The following FAM24B variants were observed in gnomAD, a reference collection of about 807,000 sequenced individuals.
FAM24B encodes the protein family with sequence similarity 24 member B.
A neutral mutation model predicts 2.3 loss-of-function variants in FAM24B; 3 were observed. The ratio of observed to expected loss-of-function variants is 1.29; its 90% CI spans 0.59 to 3.32. The LOEUF (loss-of-function observed/expected upper bound fraction) is 3.32, where lower values mean the gene tolerates loss of function less well. Ranked by LOEUF, FAM24B falls within the 30% of genes most tolerant of loss-of-function variation. FAM24B has a pLI of 0.03. For synonymous variants in FAM24B, 36 were observed against 46.3 expected (o/e 0.78, Z 0.90); for missense variants, 98 against 117.2 (o/e 0.84, Z 0.76).
chr10:122,871,574 G>T (rs923262406), intron 1 of FAM24B, among the ~76,000 whole-genome samples: 2 of 152,000 alleles, frequency 1.3e-5, no homozygotes, highest in Admixed American at 1.3e-4. Flanking sequence ...GCATGGTACT[G>T]GTACCAAAAC....
At chr10:122,857,368 G>A (rs1046441331) in intron 1 of FAM24B, among the ~76,000 whole-genome samples, 3 of 152,136 alleles carry the variant, frequency 2.0e-5, no homozygotes, top group African/African-American at 7.2e-5. Flanking sequence ...CTACCATGAG[G>A]TTACTATGTT....
At chr10:122,860,331 A>G (rs1847707898) in intron 1 of FAM24B, among the ~76,000 whole-genome samples, 1 of 152,180 alleles carries the variant, frequency 6.6e-6, no homozygotes, top group South Asian at 2.1e-4. Flanking sequence ...ACTTAAGAAA[A>G]TGCATTTAAT....
chr10:122,860,769 T>C (rs1229186390), intron 1 of FAM24B, among the ~76,000 whole-genome samples: 1 of 152,264 alleles, frequency 6.6e-6, no homozygotes, highest in Non-Finnish European at 1.5e-5. Flanking sequence ...TTATTACTAA[T>C]AATTTTGAGC....
At chr10:122,856,085 T>C (rs1455413408) in intron 1 of FAM24B, among the ~76,000 whole-genome samples, 1 of 152,266 alleles carries the variant, frequency 6.6e-6, no homozygotes, top group Non-Finnish European at 1.5e-5. Flanking sequence ...CCTGCTGTTC[T>C]TGACCTGAAC....
At chr10:122,862,381 G>T (rs1258734268) in intron 1 of FAM24B, among the ~76,000 whole-genome samples, 2 of 151,986 alleles carry the variant, frequency 1.3e-5, no homozygotes, top group Non-Finnish European at 2.9e-5. Flanking sequence ...ACATTCCCTA[G>T]AATAAGACTC....
intron 1 of FAM24B, among the ~76,000 whole-genome samples, chr10:122,871,853 A>T (rs1489347616): frequency 1.3e-5 from 2 of 152,178 alleles, no homozygotes; most frequent in Non-Finnish European, 2.9e-5. Flanking sequence ...AACCTAGGCA[A>T]TACCATTCAG....
At chr10:122,850,246 G>A (rs1847505343) in intron 3 of FAM24B, among the ~76,000 whole-genome samples, 178 bp downstream of exon 3, 1 of 152,152 alleles carries the variant, frequency 6.6e-6, no homozygotes, top group Non-Finnish European at 1.5e-5. Flanking sequence ...TCTACACTCA[G>A]CTGTCTTTGC....
chr10:122,849,243 T>A lies in FAM24B; in HGVS notation c.*4A>T. On this transcript the variant is annotated 3_prime_UTR_variant, in exon 4 of 4. Transcript: ENST00000368898. ...TGAAGATTTTTGTGCCCACCTTTCC[T>A]AACTCAGAGGCCCTCATTTATGTCG... 1 of 1,544,666 alleles carries A rather than the reference T, an allele frequency of 6.5e-7. No individual in the cohort carries two copies. Among genetic ancestry groups the A allele is most frequent in the African/African-American group, 1.4e-5 (1 of 72,756 alleles).
chr10:122,864,817 T>G (rs965615401), intron 1 of FAM24B, among the ~76,000 whole-genome samples: 1 of 152,240 alleles, frequency 6.6e-6, no homozygotes, highest in Non-Finnish European at 1.5e-5. Context: ...TGGAACCATA[T>G]AGTATGTAGC....
rs1589666505 is a variant in FAM24B, at chr10:122,849,279, G to A, written c.253C>T (p.Pro85Ser). The A allele has an allele frequency of 6.3e-7, 1 of 1,583,590 alleles. No homozygotes were observed. Among genetic ancestry groups the A allele is most frequent in the Non-Finnish European group, 8.6e-7 (1 of 1,162,854 alleles). ...RMCASFDSLPPCCCDINEGL is the reference protein window; with the variant it reads ...RMCASFDSLPSCCCDINEGL ...CCCTCATTTATGTCGCAACAGCAAG[G>A]TGGCAGGGAATCAAAACTGGCACAC... The change falls in exon 4 of 4, where the codon CCT becomes TCT. Residue 85 changes from proline to serine, a missense_variant. Physicochemically the swap from Pro to Ser is moderately conservative, Grantham distance 74. Coordinates refer to ENST00000368898, the MANE Select transcript of FAM24B (RefSeq NM_152644.3).
At chr10:122,864,164 C>T (rs956129853) in intron 1 of FAM24B, among the ~76,000 whole-genome samples, 1 of 152,166 alleles carries the variant, frequency 6.6e-6, no homozygotes, top group African/African-American at 2.4e-5. Context: ...AAAAATTTAG[C>T]ATTACAGTAA....
At chr10:122,870,774 C>T (rs529339052) in intron 1 of FAM24B, among the ~76,000 whole-genome samples, 69 of 152,102 alleles carry the variant, frequency 4.5e-4, no homozygotes, top group African/African-American at 1.1e-3. Flanking sequence ...TAGGTATTGA[C>T]GGGACGTATC....
Position 122,849,409 on chromosome 10 carries a change from T to C in FAM24B, c.123A>G (p.Val41=). 1 of 1,611,686 alleles carries C rather than the reference T, an allele frequency of 6.2e-7. No individual in the cohort carries two copies. The highest frequency in any genetic ancestry group is 1.3e-5 in the African/African-American group (1 of 74,918). Reference sequence around the variant, plus strand: ...ACACCTTGTCTGGGTTGTGATTTTTTACAGCCACAGCTTCAGGTTCCTTTG... The same window carrying C: ...ACACCTTGTCTGGGTTGTGATTTTTCACAGCCACAGCTTCAGGTTCCTTTG... ...KAAKEPEAVA[V]KNHNPDKVWW... is the part of the protein sequence containing the mutation. Residue 41 remains valine (V), a synonymous_variant, in exon 4 of 4, where the codon GTA becomes GTG. Transcript: ENST00000368898.
intron 1 of FAM24B, among the ~76,000 whole-genome samples, chr10:122,858,447 A>C (rs1440831780): frequency 6.6e-6 from 1 of 151,954 alleles, no homozygotes; most frequent in Non-Finnish European, 1.5e-5. Context: ...AGATATACCT[A>C]ATGTAAATGA....
intron 1 of FAM24B, among the ~76,000 whole-genome samples, chr10:122,868,266 A>G (rs1847833381): frequency 6.6e-6 from 1 of 152,188 alleles, no homozygotes; most frequent in African/African-American, 2.4e-5. Context: ...AAAGCCTCCA[A>G]GAAATATGGG....
chr10:122,859,146 A>C (rs1185117240), intron 1 of FAM24B, among the ~76,000 whole-genome samples: 8 of 152,178 alleles, frequency 5.3e-5, no homozygotes, highest in Admixed American at 5.2e-4. Context: ...TTCTTGATTC[A>C]GATGGTTTAG....
chr10:122,871,713 C>T (rs547619976), intron 1 of FAM24B, among the ~76,000 whole-genome samples: 4 of 152,130 alleles, frequency 2.6e-5, no homozygotes, highest in Non-Finnish European at 4.4e-5. Context: ...ATAAATGGTG[C>T]TGGGAAAACT....
intron 2 of FAM24B, among the ~76,000 whole-genome samples, chr10:122,853,936 T>G (rs937488089): frequency 6.6e-6 from 1 of 152,214 alleles, no homozygotes; most frequent in African/African-American, 2.4e-5. Context: ...TTTGATAGTC[T>G]GTGGGCTTGT....
chr10:122,856,394 C>T (rs1319640209), intron 1 of FAM24B, among the ~76,000 whole-genome samples: 1 of 152,108 alleles, frequency 6.6e-6, no homozygotes, highest in Non-Finnish European at 1.5e-5. Flanking sequence ...AAACAAGCAA[C>T]CTGTCCTGCT....
Sources: gnomAD v4.1 joint callset for allele counts (sites outside exome capture counted in the v4.1 genomes callset) on GRCh38, gnomAD v4.1.1 for gene constraint, MANE v1.5 for transcripts, NCBI Gene and HGNC (gene_info 2026-07-23, HGNC 2026-07-21) for gene names.